MTBP: variants seen among roughly 807,000 people sequenced by gnomAD.
MTBP encodes the protein mdm2-binding protein.
A neutral mutation model predicts 117.0 loss-of-function variants in MTBP; 101 were observed. The ratio of observed to expected loss-of-function variants is 0.86; its 90% CI spans 0.73 to 1.02. MTBP has a LOEUF of 1.02. Among genes scored for constraint, MTBP ranks in the 50% least tolerant of loss-of-function variants. The pLI is 0.00. For synonymous variants in MTBP, 350 were observed against 351.5 expected, an observed-to-expected ratio of 1.00 and a Z score of 0.05; for missense variants, 970 against 1,030.9, an observed-to-expected ratio of 0.94 and a Z score of 0.81.
At chr8:120,486,407 A>G (rs1164232391) in intron 11 of MTBP, among the ~76,000 whole-genome samples, 4 of 152,046 alleles carry the variant, frequency 2.6e-5, no homozygotes. Flanking sequence ...GGTCTTCTTT[A>G]TATACCTCTC....
intron 8 of MTBP, among the ~76,000 whole-genome samples, chr8:120,460,100 TA>T (rs1219868037): frequency 2.0e-5 from 3 of 152,144 alleles, no homozygotes; most frequent in African/African-American, 7.2e-5. Context: ...TAATATTTTC[TA>T]ATCAAAGGGT....
chr8:120,491,734 T>C (rs1814351121), intron 13 of MTBP, among the ~76,000 whole-genome samples: 2 of 152,314 alleles, frequency 1.3e-5, no homozygotes, highest in South Asian at 4.1e-4. Context: ...TGGCAGCTTT[T>C]TATAACTCAG....
chr8:120,501,880 C>G (rs1032633280), intron 14 of MTBP, among the ~76,000 whole-genome samples: 4 of 152,090 alleles, frequency 2.6e-5, no homozygotes, highest in Non-Finnish European at 5.9e-5. Context: ...CAATATAGTT[C>G]ACTGCAGTGT....
At chr8:120,457,729 C>T (rs951472479) in intron 7 of MTBP, among the ~76,000 whole-genome samples, 1 of 152,090 alleles carries the variant, frequency 6.6e-6, no homozygotes, top group Non-Finnish European at 1.5e-5. Context: ...TCGAGACCAT[C>T]CTGGCTAACA....
intron 14 of MTBP, among the ~76,000 whole-genome samples, chr8:120,498,494 G>C (rs1040997145): frequency 5.3e-5 from 8 of 152,182 alleles, no homozygotes; most frequent in Admixed American, 1.3e-4. Context: ...AAGACTAGCA[G>C]CTTACTTGCT....
Position 120,518,817 on chromosome 8 carries a change from G to C in MTBP, c.2610G>C (p.Lys870Asn). 6.2e-7 allele frequency: 1 copy of C among 1,601,418 alleles called. No homozygotes were observed. Among genetic ancestry groups the C allele is most frequent in the Non-Finnish European group, 8.5e-7 (1 of 1,171,916 alleles). Residue 870 changes from lysine to asparagine, a missense_variant and splice_region_variant, in exon 20 of 22, where the codon AAG becomes AAC. By Grantham distance (94) the Lys-to-Asn change is moderately conservative. Transcript: ENST00000305949. ...RLFEISKFYL[K>N]DLKTSRGLFE... ...TTGAAATCTCTAAGTTCTATCTAAA[G>C]GTACGGTATCTTCTCTACTAATGGC...
rs1563806493 is a variant in MTBP at position 120,515,918 on chromosome 8, A to G, written c.1980-7A>G. The G allele has an allele frequency of 5.0e-6, 8 of 1,610,854 alleles. No individual in the cohort carries two copies. Among genetic ancestry groups the G allele is most frequent in the Non-Finnish European group, 5.1e-6 (6 of 1,178,290 alleles). Reference sequence around the variant, plus strand: ...TTTACATTTTAATGCTCTTTCACTCATTTTAGATATTGCTTGGATGACCGA... The same window carrying G: ...TTTACATTTTAATGCTCTTTCACTCGTTTTAGATATTGCTTGGATGACCGA... On this transcript the variant is annotated splice_polypyrimidine_tract_variant and splice_region_variant and intron_variant, in intron 17 of 21. Coordinates refer to ENST00000305949, the MANE Select transcript of MTBP (RefSeq NM_022045.5).
rs376379256 is a variant in MTBP at position 120,516,143 on chromosome 8, G to A, written c.2198G>A (p.Arg733Gln). 14 of 1,612,262 alleles carry A rather than the reference G, an allele frequency of 8.7e-6. No homozygotes were observed. Among genetic ancestry groups the A allele is most frequent in the Middle Eastern group, 1.6e-4 (1 of 6,070 alleles). ...LQNELRTEVS[R>Q]LKRRSKDLNC... ...AATGAACTTCGAACTGAAGTATCCC[G>A]ATTGAAACGGAGATCTAAAGATCTG... is the stretch of plus-strand genomic sequence containing the variant. The change falls in exon 18 of 22, where the codon CGA becomes CAA. Residue 733 changes from arginine (R) to glutamine (Q), a missense_variant. Transcript: ENST00000305949.
intron 15 of MTBP, among the ~76,000 whole-genome samples, chr8:120,505,929 G>A (rs1022424469): frequency 1.2e-4 from 19 of 152,048 alleles, no homozygotes; most frequent in Middle Eastern, 3.2e-3. Context: ...ATCACCCTGC[G>A]TCTGTAATGT....
Position 120,497,490 on chromosome 8 carries a change from T to G in MTBP, c.1545T>G (p.Asp515Glu), listed in dbSNP as rs766261323. ...LTRKHFLDYFDAVIPKMILRK... is the reference protein window; with the variant it reads ...LTRKHFLDYFEAVIPKMILRK... ...GGAAACACTTTTTAGATTATTTTGA[T>G]GCTGTGATTCCTAAAATGATTCTAA... Residue 515 changes from aspartate (D) to glutamate (E), a missense_variant, in exon 14 of 22, where the codon GAT (aspartate) becomes GAG (glutamate). Asp to Glu is a conservative substitution (Grantham distance 45). Transcript: ENST00000305949. 6 of 1,590,270 alleles carry G rather than the reference T, an allele frequency of 3.8e-6. No individual in the cohort carries two copies. The South Asian group carries it at 4.5e-5, about 12-fold the overall frequency.
chr8:120,474,308 A>G (rs1454390511), intron 11 of MTBP, among the ~76,000 whole-genome samples: 3 of 152,056 alleles, frequency 2.0e-5, no homozygotes, highest in Admixed American at 6.6e-5. Context: ...CAAACTGGAC[A>G]GTTGATTATT....
intron 13 of MTBP, among the ~76,000 whole-genome samples, chr8:120,497,164 T>C (rs186192329): frequency 6.6e-6 from 1 of 152,344 alleles, no homozygotes; most frequent in African/African-American, 2.4e-5. Flanking sequence ...TTATCTGTTA[T>C]CAACTTATAG....
At chr8:120,474,052 G>C (rs1297993955) in intron 11 of MTBP, 1 of 151,782 alleles carries the variant, frequency 6.6e-6, no homozygotes, top group Non-Finnish European at 1.5e-5. Flanking sequence ...TAGGCGTGGG[G>C]GTTTTTTTGG....
At chr8:120,469,697 C>T (rs568848878) in intron 10 of MTBP, among the ~76,000 whole-genome samples, 1 of 152,180 alleles carries the variant, frequency 6.6e-6, no homozygotes, top group African/African-American at 2.4e-5. Flanking sequence ...CTAAAATAAA[C>T]ATAAACAGCA....
Position 120,456,625 on chromosome 8 carries a change from C to A in MTBP, c.702C>A (p.Asp234Glu), listed in dbSNP as rs752715572. The A allele has an allele frequency of 9.4e-6, 15 of 1,599,932 alleles. No homozygotes were observed. Among genetic ancestry groups the A allele is most frequent in the Non-Finnish European group, 1.1e-5 (13 of 1,171,450 alleles). Residue 234 changes from aspartate to glutamate, a missense_variant, in exon 7 of 22, where the codon GAC becomes GAA. Asp to Glu is a conservative substitution (Grantham distance 45, BLOSUM62 2). Transcript: ENST00000305949. ...TAGAAGATCTCAGAAATGTTATTGACTCAAAGGAATTATGGAGGGGGAAAA... is the reference window on the plus strand; with the variant it reads ...TAGAAGATCTCAGAAATGTTATTGAATCAAAGGAATTATGGAGGGGGAAAA... The part of the protein sequence containing the change: ...VSLEDLRNVI[D>E]SKELWRGKIQ...
At chr8:120,461,548 A>G (rs1340237768) in intron 9 of MTBP, among the ~76,000 whole-genome samples, 2 of 152,064 alleles carry the variant, frequency 1.3e-5, no homozygotes, top group South Asian at 2.1e-4. Context: ...GGATAGGGCT[A>G]TGGAAATAAT....
chr8:120,475,480 T>C (rs1252179047), intron 11 of MTBP, among the ~76,000 whole-genome samples: 1 of 151,992 alleles, frequency 6.6e-6, no homozygotes, highest in African/African-American at 2.4e-5. Context: ...TTTCCTAGGT[T>C]TCATCCTTTG....
chr8:120,484,411 C>T (rs970736697), intron 11 of MTBP, among the ~76,000 whole-genome samples: 4 of 151,994 alleles, frequency 2.6e-5, no homozygotes, highest in Admixed American at 6.6e-5. Flanking sequence ...CTATAACCCA[C>T]GGTATCTTCC....
At chr8:120,515,103 G>T (rs183585265) in intron 17 of MTBP, among the ~76,000 whole-genome samples, 1 of 152,140 alleles carries the variant, frequency 6.6e-6, no homozygotes, top group East Asian at 1.9e-4. Flanking sequence ...ATTTTAGGCA[G>T]TATCTTAGAA....
Sources: allele counts gnomAD v4.1 joint callset (sites outside exome capture counted in the v4.1 genomes callset), GRCh38; gene constraint gnomAD v4.1.1; transcripts MANE v1.5; gene names NCBI Gene and HGNC (gene_info 2026-07-23, HGNC 2026-07-21).